Variants in DAPP1 observed in about 807,000 individuals in gnomAD.
DAPP1 encodes dual adaptor of phosphotyrosine and 3-phosphoinositides 1, also known as dual adapter for phosphotyrosine and 3-phosphotyrosine and 3-phosphoinositide.
A neutral mutation model predicts 41.5 loss-of-function variants in DAPP1; 20 were observed. The observed-to-expected ratio is 0.48, with a 90% CI of 0.34 to 0.70. The LOEUF (loss-of-function observed/expected upper bound fraction) is 0.70, where lower values mean the gene tolerates loss of function less well. Ranked by LOEUF, DAPP1 falls within the 30% of genes least tolerant of loss-of-function variation. The pLI is 0.01. For missense variants in DAPP1, 233 were observed against 333.4 expected (o/e 0.70, Z 2.35); for synonymous variants, 113 against 116.2 (o/e 0.97, Z 0.18).
At position 99,863,082 on chromosome 4, in the gene DAPP1, A is replaced by G; in HGVS notation, c.600+10A>G. ...CTTCAAAGACCAGATGGTGAGAAACATGATAATATATTTTTCCTTTAAAAA... is the reference window on the plus strand; with the variant it reads ...CTTCAAAGACCAGATGGTGAGAAACGTGATAATATATTTTTCCTTTAAAAA... On this transcript the variant is annotated intron_variant, in intron 6 of 8. Coordinates refer to ENST00000512369, the MANE Select transcript of DAPP1 (RefSeq NM_014395.3). 3 of 1,540,734 alleles carry G rather than the reference A, an allele frequency of 1.9e-6. No homozygotes were observed. The highest frequency in any genetic ancestry group is 2.5e-5 in the South Asian group (2 of 80,356).
At chr4:99,817,121 T>C (rs1180489536) in intron 1 of DAPP1, 107 bp downstream of exon 1, 1 of 726,836 alleles carries the variant, frequency 1.4e-6, no homozygotes, top group Non-Finnish European at 2.2e-6. Flanking sequence ...TGTTGCCCTC[T>C]GCCACCTCAA....
chr4:99,870,193 A>T (rs974891385), downstream of DAPP1: 4 of 152,152 alleles, frequency 2.6e-5, no homozygotes, highest in East Asian at 7.7e-4. Context: ...ACTTGAAAGA[A>T]ATATACAACT....
At chr4:99,865,960 T>TATAATATA (rs1560711240) in intron 7 of DAPP1, 74 bp from the exon 8 acceptor site, 4 of 80,632 alleles carry the variant, frequency 5.0e-5, no homozygotes, top group Non-Finnish European at 4.8e-5. Context: ...TATTATATTA[T>TATAATATA]ATATATTATA....
intron 1 of DAPP1, among the ~76,000 whole-genome samples, chr4:99,829,922 T>C (rs1723064217): frequency 6.6e-6 from 1 of 152,246 alleles, no homozygotes; most frequent in Non-Finnish European, 1.5e-5. Flanking sequence ...GATATTTTTG[T>C]TTTTAAAATT....
At chr4:99,862,822 A>G (rs1357048499) in intron 5 of DAPP1, among the ~76,000 whole-genome samples, 188 bp from the exon 6 acceptor site, 6 of 152,098 alleles carry the variant, frequency 3.9e-5, no homozygotes, top group Non-Finnish European at 8.8e-5. Context: ...GCATGAAATT[A>G]TTTTAATTTT....
intron 4 of DAPP1, among the ~76,000 whole-genome samples, chr4:99,860,760 TG>T (rs1284721981): frequency 1.3e-5 from 2 of 152,232 alleles, no homozygotes; most frequent in African/African-American, 4.8e-5. Context: ...CTAAGACATA[TG>T]ATGACATCAC....
intron 1 of DAPP1, among the ~76,000 whole-genome samples, chr4:99,822,572 A>C (rs1378179706): frequency 1.3e-5 from 2 of 152,202 alleles, no homozygotes; most frequent in Non-Finnish European, 2.9e-5. Context: ...TGATGGTAGC[A>C]AAATATGCAA....
chr4:99,829,419 G>T (rs771406113), intron 1 of DAPP1, among the ~76,000 whole-genome samples: 1 of 151,956 alleles, frequency 6.6e-6, no homozygotes, highest in Non-Finnish European at 1.5e-5. Flanking sequence ...GGTGGAGGTT[G>T]CAGTGAGCCG....
chr4:99,826,691 G>A (rs116055725), intron 1 of DAPP1, among the ~76,000 whole-genome samples: 1,751 of 152,304 alleles, frequency 0.011, 41 homozygotes, highest in African/African-American at 0.039. Flanking sequence ...CTAGGCATTT[G>A]GTTGCCCATG....
Position 99,840,395 on chromosome 4 carries a change from A to G in DAPP1, c.331A>G (p.Asn111Asp). 1 of 1,611,936 alleles carries G rather than the reference A, an allele frequency of 6.2e-7. No homozygotes were observed. The highest frequency in any genetic ancestry group is 1.3e-5 in the African/African-American group (1 of 74,978). ...SLKDFVKHFA[N>D]QPLIGSETGT... ...GAAGGATTTTGTCAAGCATTTTGCA[A>G]ATCAGCCTTTGATTGGAAGCGAGAC... is the stretch of plus-strand genomic sequence containing the variant. Residue 111 changes from asparagine (N) to aspartate (D), a missense_variant, in exon 3 of 9, where the codon AAT becomes GAT. Coordinates refer to ENST00000512369, the MANE Select transcript of DAPP1 (RefSeq NM_014395.3).
chr4:99,824,390 T>A (rs1031179590), intron 1 of DAPP1, among the ~76,000 whole-genome samples: 22 of 152,344 alleles, frequency 1.4e-4, no homozygotes, highest in African/African-American at 5.3e-4. Flanking sequence ...ATGATGTACT[T>A]GCATTCATCA....
chr4:99,832,087 G>T (rs1469708535), intron 1 of DAPP1, among the ~76,000 whole-genome samples: 1 of 151,922 alleles, frequency 6.6e-6, no homozygotes, highest in East Asian at 1.9e-4. Flanking sequence ...TTCTCTCTTG[G>T]ATATAGTTTG....
At chr4:99,851,649 C>T (rs1232650863) in intron 3 of DAPP1, among the ~76,000 whole-genome samples, 1 of 144,676 alleles carries the variant, frequency 6.9e-6, no homozygotes, top group Non-Finnish European at 1.5e-5. Flanking sequence ...CAAGCAATTT[C>T]CCTGCCTCAG....
intron 6 of DAPP1, 45 bp from the exon 7 acceptor site, chr4:99,863,725 T>G (rs1284704259): frequency 4.0e-6 from 5 of 1,242,084 alleles, no homozygotes; most frequent in Admixed American, 2.6e-5. Context: ...TCTGTTTTTT[T>G]TTTTTTTTTT....
chr4:99,835,576 C>G, intron 1 of DAPP1, 47 bp from the exon 2 acceptor site: 1 of 1,600,940 alleles, frequency 6.2e-7, no homozygotes, highest in Non-Finnish European at 8.5e-7. Flanking sequence ...CAGGGGGAGT[C>G]ATGCCATGGT....
chr4:99,869,895 A>T lies in DAPP1; in HGVS notation c.*1710A>T, dbSNP rs1023986222. On this transcript the variant is annotated 3_prime_UTR_variant, in exon 9 of 9. Transcript: ENST00000512369. ...CAGTGAACCAAGATCGCGGCGCTGCACTCTAGCCTGGGTGACAGAGTCAGA... is the reference window on the plus strand; with the variant it reads ...CAGTGAACCAAGATCGCGGCGCTGCTCTCTAGCCTGGGTGACAGAGTCAGA... 6.6e-6 allele frequency: 1 copy of T among 152,104 alleles called. No individual in the cohort carries two copies. The highest frequency in any genetic ancestry group is 6.6e-5 in the Admixed American group (1 of 15,254). The allele number at this position is 152,104 out of a possible 1,614,324, so 9.4% of individuals were successfully genotyped here.
chr4:99,868,086 A>G (rs369754144), intron 8 of DAPP1, 31 bp from the exon 9 acceptor site: 2 of 1,589,018 alleles, frequency 1.3e-6, no homozygotes, highest in Non-Finnish European at 1.7e-6. Context: ...ATCACTCAAT[A>G]ATGGATACAC....
chr4:99,867,638 G>C (rs1016174003), intron 8 of DAPP1, among the ~76,000 whole-genome samples: 2 of 152,106 alleles, frequency 1.3e-5, no homozygotes, highest in Non-Finnish European at 2.9e-5. Context: ...TCATGCTTAG[G>C]TATATCTAAG....
At position 99,816,903 on chromosome 4, in the gene DAPP1, G is replaced by A. The variant is rs530883071; in HGVS notation, c.-11G>A. On this transcript the variant is annotated 5_prime_UTR_variant, in exon 1 of 9. Coordinates refer to ENST00000512369, the MANE Select transcript of DAPP1 (RefSeq NM_014395.3). The stretch of plus-strand genomic sequence containing the variant: ...GTTGTGTCTCTCTCTCTACCTCTGT[G>A]AAGGGCGCGAATGGGCAGAGCAGAA... 2 of 1,600,624 alleles carry A rather than the reference G, an allele frequency of 1.2e-6. No individual in the cohort carries two copies. Among genetic ancestry groups the A allele is most frequent in the East Asian group, 4.5e-5 (2 of 44,170 alleles).
Sources: gnomAD v4.1 joint callset for allele counts (sites outside exome capture counted in the v4.1 genomes callset) on GRCh38, gnomAD v4.1.1 for gene constraint, MANE v1.5 for transcripts, NCBI Gene and HGNC (gene_info 2026-07-23, HGNC 2026-07-21) for gene names.